The following GRID1 variants were observed in gnomAD, a reference collection of about 807,000 sequenced individuals.
GRID1 encodes glutamate receptor ionotropic, delta-1.
In GRID1, 28 loss-of-function variants were observed where a neutral mutation model predicts 98.0. The observed-to-expected ratio is 0.29, with a 90% CI of 0.21 to 0.39. The LOEUF (loss-of-function observed/expected upper bound fraction) is 0.39. GRID1 is among the 10% of genes least tolerant of loss of function. The pLI, the probability that GRID1 is intolerant of heterozygous loss-of-function variation, is 1.00. For missense variants in GRID1, 1,111 were observed against 1,340.5 expected (o/e 0.83, Z 2.67); for synonymous variants, 553 against 538.5 (o/e 1.03, Z -0.37).
At chr10:86,287,072 A>G (rs1344392908) in intron 2 of GRID1, among the ~76,000 whole-genome samples, 1 of 152,200 alleles carries the variant, frequency 6.6e-6, no homozygotes, top group African/African-American at 2.4e-5. Flanking sequence ...GCAGGACCCT[A>G]AAGGCTGAGA....
At chr10:86,167,624 G>A (rs571327565) in intron 3 of GRID1, among the ~76,000 whole-genome samples, 1 of 152,270 alleles carries the variant, frequency 6.6e-6, no homozygotes, top group Admixed American at 6.5e-5. Context: ...CCTCCCCACG[G>A]CCAGGCAGGG....
intron 4 of GRID1, among the ~76,000 whole-genome samples, chr10:86,007,633 A>G (rs1842875981): frequency 1.3e-5 from 2 of 152,202 alleles, no homozygotes; most frequent in Non-Finnish European, 2.9e-5. Flanking sequence ...TCAATTAAAA[A>G]AATTAAATAT....
At chr10:85,648,787 T>C (rs545933276) in intron 12 of GRID1, among the ~76,000 whole-genome samples, 2 of 152,302 alleles carry the variant, frequency 1.3e-5, no homozygotes, top group East Asian at 3.9e-4. Context: ...TGGGGAGCCA[T>C]CCGCACCCCA....
At chr10:85,989,189 T>C (rs144676921) in intron 4 of GRID1, among the ~76,000 whole-genome samples, 206 of 152,280 alleles carry the variant, frequency 1.4e-3, no homozygotes, top group Non-Finnish European at 2.4e-3. Flanking sequence ...AAGGCTGTTG[T>C]TGGAGTCATT....
At chr10:86,037,408 T>C (rs1342300032) in intron 4 of GRID1, among the ~76,000 whole-genome samples, 4 of 152,212 alleles carry the variant, frequency 2.6e-5, no homozygotes, top group African/African-American at 9.6e-5. Flanking sequence ...GAAAAGGATA[T>C]AGTAATAATA....
chr10:85,822,321 G>T (rs1272178914), intron 8 of GRID1, among the ~76,000 whole-genome samples: 1 of 152,034 alleles, frequency 6.6e-6, no homozygotes, highest in African/African-American at 2.4e-5. Flanking sequence ...AATCTACAAA[G>T]AACTCAAACA....
intron 8 of GRID1, among the ~76,000 whole-genome samples, chr10:85,838,269 C>A (rs1252702262): frequency 6.6e-6 from 1 of 152,182 alleles, no homozygotes; most frequent in Non-Finnish European, 1.5e-5. Flanking sequence ...CTTCCCCAAC[C>A]TAGCTAGAGA....
intron 4 of GRID1, among the ~76,000 whole-genome samples, chr10:86,084,645 A>C (rs1477050664): frequency 6.6e-6 from 1 of 152,256 alleles, no homozygotes; most frequent in Non-Finnish European, 1.5e-5. Context: ...TTGACGGATT[A>C]ATGAATGGAT....
intron 3 of GRID1, among the ~76,000 whole-genome samples, chr10:86,188,470 C>T (rs1845755582): frequency 6.6e-6 from 1 of 152,186 alleles, no homozygotes; most frequent in Non-Finnish European, 1.5e-5. Flanking sequence ...CTACCCCATC[C>T]CCCTGCCAGC....
At chr10:86,167,910 G>C (rs1845423991) in intron 3 of GRID1, among the ~76,000 whole-genome samples, 1 of 152,122 alleles carries the variant, frequency 6.6e-6, no homozygotes, top group Non-Finnish European at 1.5e-5. Flanking sequence ...TGTGACCGAG[G>C]GAGGCACCAG....
chr10:86,350,340 G>A (rs557469275), intron 2 of GRID1, among the ~76,000 whole-genome samples: 1 of 152,210 alleles, frequency 6.6e-6, no homozygotes, highest in Non-Finnish European at 1.5e-5. Flanking sequence ...AGATAACTCT[G>A]GCTGCTACAT....
At position 85,599,802 on chromosome 10, in the gene GRID1, A is replaced by AAAAAAAAAAAAAAAAAAAAAAAATATAT; in HGVS notation, c.*2470_*2471insATATATTTTTTTTTTTTTTTTTTTTTTT. 1.5e-5 allele frequency: 1 copy of AAAAAAAAAAAAAAAAAAAAAAAATATAT among 64,980 alleles called. No individual in the cohort carries two copies. Among genetic ancestry groups the AAAAAAAAAAAAAAAAAAAAAAAATATAT allele is most frequent in the Admixed American group, 1.7e-4 (1 of 5,844 alleles). 4.0% of individuals were successfully genotyped at this position (64,980 alleles called of 1,614,324 possible). ...GTAGAAAATTCTAAAAAAAAAAAAA[A>AAAAAAAAAAAAAAAAAAAAAAAATATAT]ATATATATATATATATATAAACATG... On this transcript the variant is annotated 3_prime_UTR_variant, in exon 16 of 16. Transcript: ENST00000327946.
intron 8 of GRID1, among the ~76,000 whole-genome samples, chr10:85,769,502 C>A (rs1355891066): frequency 6.6e-6 from 1 of 152,138 alleles, no homozygotes; most frequent in Non-Finnish European, 1.5e-5. Context: ...ACACCATGTG[C>A]GAGCCGAAGC....
intron 4 of GRID1, among the ~76,000 whole-genome samples, chr10:85,923,452 G>A (rs1841733470): frequency 6.6e-6 from 1 of 152,160 alleles, no homozygotes; most frequent in Non-Finnish European, 1.5e-5. Context: ...TTCAGGGAAG[G>A]CACTGGCTGG....
At chr10:86,038,231 T>C (rs1048971049) in intron 4 of GRID1, among the ~76,000 whole-genome samples, 1 of 152,174 alleles carries the variant, frequency 6.6e-6, no homozygotes, top group African/African-American at 2.4e-5. Flanking sequence ...CCCAGCACAC[T>C]GATACTCCCA....
intron 4 of GRID1, among the ~76,000 whole-genome samples, chr10:86,129,950 A>G (rs899256215): frequency 6.6e-5 from 10 of 152,222 alleles, no homozygotes; most frequent in African/African-American, 2.4e-4. Flanking sequence ...TCAGGCTTCA[A>G]GCAGCCCTGA....
intron 2 of GRID1, among the ~76,000 whole-genome samples, chr10:86,264,249 CT>C (rs1167749398): frequency 6.6e-6 from 1 of 152,186 alleles, no homozygotes; most frequent in East Asian, 1.9e-4. Context: ...ACTCTGGAGC[CT>C]GGCCAGGCCT....
intron 8 of GRID1, among the ~76,000 whole-genome samples, chr10:85,821,516 CAAAAAAAAAAAAAA>C (rs1157209045): frequency 1.1e-4 from 1 of 9,104 alleles, no homozygotes; most frequent in Admixed American, 1.5e-3. Context: ...GACTTCATCT[CAAAAAAAAAAAAAA>C]AAAAAAAAAA....
intron 4 of GRID1, among the ~76,000 whole-genome samples, chr10:85,955,374 A>G (rs1842176061): frequency 6.6e-6 from 1 of 152,134 alleles, no homozygotes; most frequent in Non-Finnish European, 1.5e-5. Flanking sequence ...AGCATGCGAG[A>G]CAACTTATGG....
Sources: allele counts gnomAD v4.1 joint callset (sites outside exome capture counted in the v4.1 genomes callset), GRCh38; gene constraint gnomAD v4.1.1; transcripts MANE v1.5; gene names NCBI Gene and HGNC (gene_info 2026-07-23, HGNC 2026-07-21).